The following TNIP1 variants were observed in gnomAD, a reference collection of about 807,000 sequenced individuals.
TNIP1 encodes the protein TNFAIP3-interacting protein 1.
TNIP1 carries 22 observed loss-of-function variants against 86.6 expected under a neutral mutation model. That is an observed-to-expected ratio of 0.25 (90% CI 0.18 to 0.36). TNIP1 has a LOEUF of 0.36. TNIP1 is among the 10% of genes least tolerant of loss of function. The pLI is 1.00. For synonymous variants in TNIP1, 294 were observed against 313.0 expected (o/e 0.94, Z 0.64); for missense variants, 709 against 820.6 (o/e 0.86, Z 1.66).
intron 6 of TNIP1, among the ~76,000 whole-genome samples, chr5:151,052,592 C>T (rs2112635): frequency 0.75 from 114,479 of 152,072 alleles, 43,939 homozygotes; most frequent in African/African-American, 0.9. Flanking sequence ...TGACTTCTAC[C>T]CTTCTTTGAA....
At chr5:151,032,697 G>A in intron 16 of TNIP1, 1 of 333,472 alleles carries the variant, frequency 3.0e-6, no homozygotes, top group Non-Finnish European at 5.5e-6. Context: ...TCATATGGGA[G>A]AAGCTGAAAA....
upstream of TNIP1, among the ~76,000 whole-genome samples, chr5:151,087,352 A>G (rs1190653318): frequency 6.6e-6 from 1 of 151,962 alleles, no homozygotes; most frequent in Non-Finnish European, 1.5e-5. Flanking sequence ...CGTGCTGTGA[A>G]TTCCAGGGAG....
At chr5:151,070,172 T>G (rs914427952) in intron 1 of TNIP1, among the ~76,000 whole-genome samples, 7 of 152,206 alleles carry the variant, frequency 4.6e-5, no homozygotes, top group African/African-American at 1.7e-4. Context: ...TCAAAGAAAT[T>G]AAATGAAACA....
intron 6 of TNIP1, among the ~76,000 whole-genome samples, chr5:151,055,835 G>A (rs1334185923): frequency 6.6e-6 from 1 of 152,192 alleles, no homozygotes; most frequent in Non-Finnish European, 1.5e-5. Context: ...TCACTAAGGT[G>A]GCGGGCACTC....
intron 5 of TNIP1, among the ~76,000 whole-genome samples, chr5:151,058,116 T>C (rs529528257): frequency 1.3e-5 from 2 of 152,326 alleles, no homozygotes; most frequent in Admixed American, 6.5e-5. Flanking sequence ...AGACGGGGTT[T>C]CACCACAATG....
chr5:151,083,722 C>T (rs1764168816), upstream of TNIP1, among the ~76,000 whole-genome samples: 1 of 152,194 alleles, frequency 6.6e-6, no homozygotes, highest in Non-Finnish European at 1.5e-5. Flanking sequence ...CCTCCACCAC[C>T]CCTACTGAGG....
At chr5:151,075,428 A>G (rs1581924325) in intron 1 of TNIP1, among the ~76,000 whole-genome samples, 1 of 152,246 alleles carries the variant, frequency 6.6e-6, no homozygotes, top group South Asian at 2.1e-4. Context: ...TGATTTGGGT[A>G]GGGGTGATCC....
intron 13 of TNIP1, among the ~76,000 whole-genome samples, chr5:151,036,249 A>G (rs564907335): frequency 4.6e-5 from 7 of 152,202 alleles, no homozygotes; most frequent in Non-Finnish European, 8.8e-5. Context: ...TGGGAGAGCC[A>G]CAACCTTTTC....
chr5:151,063,806 C>G, intron 2 of TNIP1, 59 bp from the exon 3 acceptor site: 1 of 1,587,618 alleles, frequency 6.3e-7, no homozygotes, highest in Non-Finnish European at 8.6e-7. Context: ...TGCTGCTTCT[C>G]CCCGTCCCAG....
intron 1 of TNIP1, among the ~76,000 whole-genome samples, chr5:151,072,237 C>T (rs897722503): frequency 6.6e-6 from 1 of 152,194 alleles, no homozygotes; most frequent in African/African-American, 2.4e-5. Context: ...GGAAACCAGA[C>T]CTACTTTCCA....
upstream of TNIP1, among the ~76,000 whole-genome samples, chr5:151,084,402 G>C (rs190001881): frequency 4.0e-5 from 6 of 148,834 alleles, no homozygotes; most frequent in African/African-American, 1.3e-4. Context: ...CCAAGATCGC[G>C]CCATTGCACT....
rs1266940135 is a variant in TNIP1, at chr5:151,039,225, T to C, written c.1135A>G (p.Thr379Ala). Residue 379 changes from threonine (T) to alanine (A), a missense_variant and splice_region_variant, in exon 12 of 18, where the codon ACC (threonine) becomes GCC (alanine). Transcript: ENST00000521591. ...LAKSKIEMEETDKEQLTAEAK... is the reference protein window; with the variant it reads ...LAKSKIEMEEADKEQLTAEAK... Reference sequence around the variant, plus strand: ...TCTGCTGTCAGCTGCTCCTTGTCGGTCTGCAGGGAATACAAGGTTGGTAAG... The same window carrying C: ...TCTGCTGTCAGCTGCTCCTTGTCGGCCTGCAGGGAATACAAGGTTGGTAAG... 1 of 1,611,738 alleles carries C rather than the reference T, an allele frequency of 6.2e-7. No individual in the cohort carries two copies. Among genetic ancestry groups the C allele is most frequent in the East Asian group, 2.2e-5 (1 of 44,864 alleles).
chr5:151,031,490 A>G (rs953154341), intron 17 of TNIP1, among the ~76,000 whole-genome samples: 1 of 152,242 alleles, frequency 6.6e-6, no homozygotes, highest in African/African-American at 2.4e-5. Flanking sequence ...ACGAGTGGAC[A>G]CAGCTCCAGG....
Position 151,035,588 on chromosome 5 carries a change from A to G in TNIP1, c.1515T>C (p.Asn505=), listed in dbSNP as rs1169142625. ...TGGGTCCAGTCACTCTTACCTGGGC[A>G]TTTGACAGGGTGACCTGGGCCTGCA... ...EKLQAQVTLS[N]AQLKAFKDEE... is the part of the protein sequence containing the mutation. The change falls in exon 14 of 18, where the codon AAT becomes AAC. Residue 505 remains asparagine, a synonymous_variant. Transcript: ENST00000521591. 1.2e-6 allele frequency: 2 copies of G among 1,614,144 alleles called. No homozygotes were observed. Among genetic ancestry groups the G allele is most frequent in the Admixed American group, 3.3e-5 (2 of 60,028 alleles).
intron 8 of TNIP1, among the ~76,000 whole-genome samples, chr5:151,048,225 C>A (rs148910371): frequency 6.6e-6 from 1 of 152,268 alleles, no homozygotes. Flanking sequence ...GGGTGGTGCA[C>A]CCTGAACCTC....
intron 3 of TNIP1, among the ~76,000 whole-genome samples, chr5:151,063,031 C>T (rs1183776560): frequency 6.6e-6 from 1 of 152,210 alleles, no homozygotes; most frequent in African/African-American, 2.4e-5. Context: ...ACACTCTGTA[C>T]GCATGGTGAT....
upstream of TNIP1, among the ~76,000 whole-genome samples, chr5:151,082,357 C>T (rs1012418061): frequency 4.6e-5 from 7 of 152,160 alleles, no homozygotes; most frequent in Admixed American, 3.9e-4. Flanking sequence ...GGAAGCGATG[C>T]AAACTCCAAA....
At chr5:151,072,959 T>C (rs1320909045) in intron 1 of TNIP1, among the ~76,000 whole-genome samples, 1 of 152,172 alleles carries the variant, frequency 6.6e-6, no homozygotes, top group African/African-American at 2.4e-5. Context: ...CGGTGGCTCA[T>C]GCCTGTAATT....
chr5:151,034,346 T>TA, intron 15 of TNIP1: 1 of 291,254 alleles, frequency 3.4e-6, no homozygotes, highest in South Asian at 2.7e-5. Flanking sequence ...GGCTGGTACA[T>TA]AGACACGGAA....
Sources: gnomAD v4.1 joint callset for allele counts (sites outside exome capture counted in the v4.1 genomes callset) on GRCh38, gnomAD v4.1.1 for gene constraint, MANE v1.5 for transcripts, NCBI Gene and HGNC (gene_info 2026-07-23, HGNC 2026-07-21) for gene names.